Variants in NRG1 observed in about 807,000 individuals in gnomAD.
NRG1 encodes neuregulin 1.
NRG1 carries 18 observed loss-of-function variants against 63.8 expected under a neutral mutation model. That is an observed-to-expected ratio of 0.28 (90% CI 0.19 to 0.42). NRG1 has a LOEUF of 0.42. Among genes scored for constraint, NRG1 ranks in the 10% least tolerant of loss-of-function variants. NRG1 has a pLI of 1.00. For synonymous variants in NRG1, 302 were observed against 301.3 expected (o/e 1.00, Z -0.02); for missense variants, 762 against 814.7 (o/e 0.94, Z 0.79).
intron 1 of NRG1, among the ~76,000 whole-genome samples, chr8:32,018,463 T>C (rs1332221794): frequency 1.3e-5 from 2 of 152,244 alleles, no homozygotes; most frequent in African/African-American, 4.8e-5. Flanking sequence ...TAATAGCTAT[T>C]GTATTTTCTA....
intron 1 of NRG1, among the ~76,000 whole-genome samples, chr8:31,734,758 A>G (rs1286157787): frequency 6.6e-6 from 1 of 152,196 alleles, no homozygotes; most frequent in Non-Finnish European, 1.5e-5. Context: ...GTGTGTTTCC[A>G]GATGCTGCAC....
intron 1 of NRG1, among the ~76,000 whole-genome samples, chr8:31,677,525 G>C (rs1807842790): frequency 6.6e-6 from 1 of 152,116 alleles, no homozygotes; most frequent in Non-Finnish European, 1.5e-5. Context: ...AGGATCACTT[G>C]AGTCTGGGAA....
At chr8:32,345,705 C>T (rs1382669313) in intron 1 of NRG1, among the ~76,000 whole-genome samples, 1 of 152,268 alleles carries the variant, frequency 6.6e-6, no homozygotes, top group East Asian at 1.9e-4. Context: ...TGCAGTGGCT[C>T]ATACCTGTAA....
At chr8:31,941,844 G>A (rs908445151) in intron 1 of NRG1, among the ~76,000 whole-genome samples, 1 of 152,092 alleles carries the variant, frequency 6.6e-6, no homozygotes, top group East Asian at 1.9e-4. Context: ...GGATGTGAAA[G>A]ACCTCTACAA....
At chr8:31,760,469 A>G (rs1005028510) in intron 1 of NRG1, among the ~76,000 whole-genome samples, 5 of 152,218 alleles carry the variant, frequency 3.3e-5, no homozygotes, top group African/African-American at 1.2e-4. Context: ...ATTAAACTAA[A>G]GAGCTTCTGC....
intron 1 of NRG1, among the ~76,000 whole-genome samples, chr8:31,819,495 A>T (rs987217769): frequency 9.2e-5 from 14 of 152,212 alleles, no homozygotes; most frequent in African/African-American, 4.8e-5. Flanking sequence ...ATTACTGGCC[A>T]TACCCAGAAT....
chr8:32,022,367 TA>T (rs200568416), intron 1 of NRG1, among the ~76,000 whole-genome samples: 2,444 of 152,302 alleles, frequency 0.016, 41 homozygotes, highest in Middle Eastern at 0.054. Context: ...TCAGTCATGT[TA>T]CCAGAGCCTT....
intron 6 of NRG1, among the ~76,000 whole-genome samples, chr8:32,739,244 C>G (rs2129034970): frequency 6.6e-6 from 1 of 152,238 alleles, no homozygotes; most frequent in South Asian, 2.1e-4. Flanking sequence ...TAATCTACAT[C>G]CACATCTCTT....
intron 1 of NRG1, among the ~76,000 whole-genome samples, chr8:31,971,048 GA>G (rs34407270): frequency 0.12 from 16,081 of 137,284 alleles, 2,373 homozygotes; most frequent in African/African-American, 0.35. Context: ...CGTCCCAAAA[GA>G]AAAAAAAAAA....
intron 1 of NRG1, among the ~76,000 whole-genome samples, chr8:31,991,343 T>G (rs1479912415): frequency 2.0e-5 from 3 of 151,902 alleles, no homozygotes; most frequent in African/African-American, 7.3e-5. Context: ...CTTTCTTTCC[T>G]CTTTATTTTT....
chr8:32,248,968 A>G (rs1443183814), intron 1 of NRG1, among the ~76,000 whole-genome samples: 1 of 152,076 alleles, frequency 6.6e-6, no homozygotes, highest in African/African-American at 2.4e-5. Context: ...TGTTCCTACA[A>G]GAGACAGCTT....
intron 1 of NRG1, among the ~76,000 whole-genome samples, chr8:31,845,475 T>C (rs1170299234): frequency 6.6e-6 from 1 of 152,226 alleles, no homozygotes; most frequent in Non-Finnish European, 1.5e-5. Context: ...ATTAACTGTT[T>C]CTTAATCCTG....
intron 1 of NRG1, among the ~76,000 whole-genome samples, chr8:32,562,122 G>T (rs1016528376): frequency 6.6e-6 from 1 of 152,098 alleles, no homozygotes; most frequent in African/African-American, 2.4e-5. Context: ...GACTCCTAAA[G>T]TCTGCTGATT....
At chr8:32,737,193 A>G (rs2129031470) in intron 6 of NRG1, among the ~76,000 whole-genome samples, 1 of 152,276 alleles carries the variant, frequency 6.6e-6, no homozygotes, top group East Asian at 1.9e-4. Flanking sequence ...AATTGCAAAC[A>G]TGATGTTAAA....
intron 1 of NRG1, among the ~76,000 whole-genome samples, chr8:31,823,409 A>G (rs1824201143): frequency 6.6e-6 from 1 of 152,094 alleles, no homozygotes; most frequent in Non-Finnish European, 1.5e-5. Flanking sequence ...TGTGTGAACT[A>G]TAGTTCACAC....
chr8:32,237,549 C>T (rs546769635), intron 1 of NRG1, among the ~76,000 whole-genome samples: 1 of 151,940 alleles, frequency 6.6e-6, no homozygotes, highest in Non-Finnish European at 1.5e-5. Flanking sequence ...CTTATTTTTC[C>T]TAGTCAGGCA....
At chr8:32,059,348 G>T (rs1373347942) in intron 1 of NRG1, among the ~76,000 whole-genome samples, 1 of 151,766 alleles carries the variant, frequency 6.6e-6, no homozygotes, top group Non-Finnish European at 1.5e-5. Flanking sequence ...ACAACTCCTA[G>T]ACATCGTGCT....
intron 1 of NRG1, among the ~76,000 whole-genome samples, chr8:31,848,641 T>G (rs542795492): frequency 6.6e-6 from 1 of 152,306 alleles, no homozygotes; most frequent in African/African-American, 2.4e-5. Flanking sequence ...TGAGCCCTGC[T>G]TCCTGTCAGA....
At chr8:32,339,897 T>C (rs1563333037) in intron 1 of NRG1, among the ~76,000 whole-genome samples, 1 of 152,212 alleles carries the variant, frequency 6.6e-6, no homozygotes, top group Non-Finnish European at 1.5e-5. Flanking sequence ...TTTCTACTTT[T>C]TTTTAATGGT....
Sources: gnomAD v4.1 joint callset for allele counts (sites outside exome capture counted in the v4.1 genomes callset) on GRCh38, gnomAD v4.1.1 for gene constraint, MANE v1.5 for transcripts, NCBI Gene and HGNC (gene_info 2026-07-23, HGNC 2026-07-21) for gene names.